KHSRP: variants seen among roughly 807,000 people sequenced by gnomAD.
KHSRP encodes far upstream element-binding protein 2.
KHSRP carries 13 observed loss-of-function variants against 94.9 expected under a neutral mutation model. The observed-to-expected ratio is 0.14, with a 90% CI of 0.09 to 0.22. The LOEUF (loss-of-function observed/expected upper bound fraction) is 0.22, where lower values mean the gene tolerates loss of function less well. Among genes scored for constraint, KHSRP ranks in the 10% least tolerant of loss-of-function variants. The pLI, the probability that KHSRP is intolerant of heterozygous loss-of-function variation, is 1.00. For synonymous variants in KHSRP, 495 were observed against 401.4 expected (o/e 1.23, Z -2.79); for missense variants, 710 against 1,010.0 (o/e 0.70, Z 4.03).
rs921324291 is a variant in KHSRP, at chr19:6,414,795, C to T, written c.*229G>A. 3.5e-5 allele frequency: 41 copies of T among 1,155,666 alleles called. No individual in the cohort carries two copies. The highest frequency in any genetic ancestry group is 9.6e-5 in the African/African-American group (6 of 62,370). 71.6% of individuals were successfully genotyped at this position (1,155,666 alleles called of 1,614,324 possible). ...AGATTGTGAGCGAGGTGGTGGCGGC[C>T]GGGCCGGTGCCCACCGTCCGCGCTG... is the stretch of plus-strand genomic sequence containing the variant. On this transcript the variant is annotated 3_prime_UTR_variant, in exon 19 of 19. Transcript: ENST00000600480.
Position 6,420,425 on chromosome 19 carries a change from G to A in KHSRP, c.472C>T (p.Leu158=), listed in dbSNP as rs1471376710. ...EYRVPDGMVG[L]IIGRGGEQIN... ...ACCCAAGGTGACCCACACTCACTCA[G>A]GCCCACCATGCCGTCTGGGACCCTG... is the stretch of plus-strand genomic sequence containing the variant. Residue 158 remains leucine (L), a synonymous_variant, in exon 5 of 19, where the codon CTG becomes TTG. Transcript: ENST00000600480. 6 of 1,613,792 alleles carry A rather than the reference G, an allele frequency of 3.7e-6. No homozygotes were observed. In the African/African-American group the frequency reaches 5.3e-5, roughly 14 times the overall value.
Position 6,421,331 on chromosome 19 carries a change from AC to A in KHSRP, c.386-15del. ...GAGAACTGATTGCTGTAGAGAGAAA[AC>A]CCAAAGCAAAGACTGGCTTAGCTCC... On this transcript the variant is annotated splice_polypyrimidine_tract_variant and intron_variant, in intron 3 of 18. Coordinates refer to ENST00000600480, the MANE Select transcript of KHSRP (RefSeq NM_001366299.1). The A allele has an allele frequency of 6.3e-7, 1 of 1,583,586 alleles. No homozygotes were observed. The highest frequency in any genetic ancestry group is 2.3e-5 in the East Asian group (1 of 43,236).
chr19:6,416,230 G>GAC, intron 15 of KHSRP, 68 bp downstream of exon 15: 1 of 1,282,030 alleles, frequency 7.8e-7, no homozygotes, highest in Non-Finnish European at 1.1e-6. Context: ...GGGAAATGGG[G>GAC]TCTGCTATTC....
Position 6,413,122 on chromosome 19 carries a change from CTTTA to C in KHSRP, c.*1898_*1901del, listed in dbSNP as rs1294388903. Among the ~76,000 whole-genome samples the C allele has an allele frequency of 2.1e-5, 2 of 93,130 alleles. No individual in the cohort carries two copies. The highest frequency in any genetic ancestry group is 4.5e-5 in the African/African-American group (1 of 22,318). The allele number at this position is 93,130 out of a possible 152,430, so 61.1% of individuals were successfully genotyped here. The stretch of plus-strand genomic sequence containing the variant: ...CGCAGTCTTTTTTAAACAAAAAGCA[CTTTA>C]TTTAACAAAAAAAAAAAAGGGGGGG... On this transcript the variant is annotated 3_prime_UTR_variant, in exon 19 of 19. Coordinates refer to ENST00000600480, the MANE Select transcript of KHSRP (RefSeq NM_001366299.1).
intron 18 of KHSRP, 37 bp downstream of exon 18, chr19:6,415,343 C>T (rs1477275644): frequency 6.2e-7 from 1 of 1,611,514 alleles, no homozygotes; most frequent in Non-Finnish European, 8.5e-7. Context: ...TGGGTGAGGG[C>T]TGCCCCTGCC....
In KHSRP at chr19:6,413,119, G is replaced by T; in HGVS notation, c.*1905C>A. Among the ~76,000 whole-genome samples the T allele has an allele frequency of 1.0e-5, 1 of 98,004 alleles. No homozygotes were observed. Among genetic ancestry groups the T allele is most frequent in the South Asian group, 4.1e-4 (1 of 2,414 alleles). 64.3% of individuals were successfully genotyped at this position (98,004 alleles called of 152,430 possible). On this transcript the variant is annotated 3_prime_UTR_variant, in exon 19 of 19. Transcript: ENST00000600480. ...GCACGCAGTCTTTTTTAAACAAAAA[G>T]CACTTTATTTAACAAAAAAAAAAAA...
At position 6,416,976 on chromosome 19, in the gene KHSRP, G is replaced by A; in HGVS notation, c.1182+11C>T. The A allele has an allele frequency of 6.2e-7, 1 of 1,613,686 alleles. No homozygotes were observed. The highest frequency in any genetic ancestry group is 8.5e-7 in the Non-Finnish European group (1 of 1,179,838). On this transcript the variant is annotated intron_variant, in intron 12 of 18. Coordinates refer to ENST00000600480, the MANE Select transcript of KHSRP (RefSeq NM_001366299.1). ...GCCCTGCCAGCCCCTTCAGCACCCGGGGCCACCTACCCTGAGGCTCTGGAG... is the reference window on the plus strand; with the variant it reads ...GCCCTGCCAGCCCCTTCAGCACCCGAGGCCACCTACCCTGAGGCTCTGGAG...
chr19:6,415,989 G>A (rs768354697), intron 15 of KHSRP, 93 bp from the exon 16 acceptor site: 14 of 817,342 alleles, frequency 1.7e-5, no homozygotes, highest in South Asian at 1.3e-4. Context: ...GTGGGGAGGC[G>A]CCAGAGACCC....
chr19:6,417,101 C>G lies in KHSRP; in HGVS notation c.1082-14G>C, dbSNP rs763012498. 2.5e-6 allele frequency: 4 copies of G among 1,593,174 alleles called. No homozygotes were observed. The South Asian group carries it at 3.3e-5, about 13-fold the overall frequency. ...CTGTCCCGTCATCTGAGGCCAGCACCGAGAGAGCAGAGACACAAGTTTAAA... is the reference window on the plus strand; with the variant it reads ...CTGTCCCGTCATCTGAGGCCAGCACGGAGAGAGCAGAGACACAAGTTTAAA... On this transcript the variant is annotated splice_polypyrimidine_tract_variant and intron_variant, in intron 11 of 18. Transcript: ENST00000600480.
intron 11 of KHSRP, among the ~76,000 whole-genome samples, chr19:6,417,288 A>T (rs1324909552): frequency 3.3e-5 from 5 of 152,224 alleles, no homozygotes; most frequent in Admixed American, 6.5e-5. Flanking sequence ...CCAAGCCAGG[A>T]GGTGGCTCAA....
intron 15 of KHSRP, 146 bp from the exon 16 acceptor site, chr19:6,416,042 A>C: frequency 1.5e-6 from 1 of 658,594 alleles, no homozygotes; most frequent in East Asian, 2.9e-5. Context: ...GGCCTAGACA[A>C]GAAGCAACTC....
Position 6,414,348 on chromosome 19 carries a change from GGAA to G in KHSRP, c.*673_*675del, listed in dbSNP as rs2092125139. 1.4e-6 allele frequency: 2 copies of G among 1,382,050 alleles called. No homozygotes were observed. Among genetic ancestry groups the G allele is most frequent in the Non-Finnish European group, 1.9e-6 (2 of 1,063,572 alleles). The allele number at this position is 1,382,050 out of a possible 1,614,324, so 85.6% of individuals were successfully genotyped here. A position where few individuals can be genotyped will look rare whatever the true frequency, so the allele number is the denominator to read the frequency against. ...CTGATGGAGAAGGAGGGACAGAGCA[GGAA>G]GAGAGGAGAGGGGCCGCGGAGGGCG... On this transcript the variant is annotated 3_prime_UTR_variant, in exon 19 of 19. Coordinates refer to ENST00000600480, the MANE Select transcript of KHSRP (RefSeq NM_001366299.1).
chr19:6,417,992 C>T lies in KHSRP; in HGVS notation c.967G>A (p.Gly323Arg), dbSNP rs745473524. 1.9e-6 allele frequency: 3 copies of T among 1,613,768 alleles called. No homozygotes were observed. The highest frequency in any genetic ancestry group is 1.7e-5 in the Admixed American group (1 of 59,990). The change falls in exon 10 of 19, where the codon GGA becomes AGA. Residue 323 changes from glycine to arginine, a missense_variant. Transcript: ENST00000600480. ...DRNEYGSRIG[G>R]GIDVPVPRHS... is the part of the protein sequence containing the mutation. ...GGGCCCACACTCACATCGATGCCTC[C>T]GCCAATCCGAGATCCGTACTCATTC...
chr19:6,423,683 C>A (rs1049826288), intron 1 of KHSRP, among the ~76,000 whole-genome samples: 1 of 152,214 alleles, frequency 6.6e-6, no homozygotes, highest in Non-Finnish European at 1.5e-5. Context: ...AGTCTCTAGC[C>A]CCGGAGGCAT....
chr19:6,415,490 TC>T, intron 17 of KHSRP, 33 bp from the exon 18 acceptor site: 1 of 1,549,238 alleles, frequency 6.5e-7, no homozygotes, highest in Middle Eastern at 1.7e-4. Context: ...CAGAAACCAC[TC>T]CCCCGGCAGG....
At chr19:6,420,981 AGAC>A (rs1425593633) in intron 4 of KHSRP, 1 of 449,640 alleles carries the variant, frequency 2.2e-6, no homozygotes, top group Non-Finnish European at 4.0e-6. Context: ...TCTTCCAGGA[AGAC>A]GACATTTGTG....
In KHSRP at chr19:6,416,485, C is replaced by A. The variant is rs772218529; in HGVS notation, c.1488+5G>T. On this transcript the variant is annotated splice_donor_5th_base_variant and intron_variant, in intron 14 of 18. Transcript: ENST00000600480. ...ACCAAATCCCCAGAGCCCGCCCCAACCCACCTCGATCTTTTCCTCGATAAG... is the reference window on the plus strand; with the variant it reads ...ACCAAATCCCCAGAGCCCGCCCCAAACCACCTCGATCTTTTCCTCGATAAG... 4.0e-5 allele frequency: 65 copies of A among 1,612,558 alleles called. No individual in the cohort carries two copies. Among genetic ancestry groups the A allele is most frequent in the Non-Finnish European group, 5.2e-5 (61 of 1,179,456 alleles).
Position 6,418,666 on chromosome 19 carries a change from C to A in KHSRP, c.780+36G>T. Reference sequence around the variant, plus strand: ...GGTGGTGGCGGTGGGGTGTGGCACACGGATGCAGAGGAAGCTGCCCAGGTG... The same window carrying A: ...GGTGGTGGCGGTGGGGTGTGGCACAAGGATGCAGAGGAAGCTGCCCAGGTG... On this transcript the variant is annotated intron_variant, in intron 8 of 18. Coordinates refer to ENST00000600480, the MANE Select transcript of KHSRP (RefSeq NM_001366299.1). This position sits in a 1 kb window ranked among gnomAD's most constrained non-coding sequence, Gnocchi z 4.3. The A allele has an allele frequency of 1.9e-6, 3 of 1,613,564 alleles. No homozygotes were observed. The highest frequency in any genetic ancestry group is 2.5e-6 in the Non-Finnish European group (3 of 1,179,610).
Position 6,414,381 on chromosome 19 carries a change from C to A in KHSRP, c.*643G>T, listed in dbSNP as rs892576013. 13 of 1,329,350 alleles carry A rather than the reference C, an allele frequency of 9.8e-6. No homozygotes were observed. The highest frequency in any genetic ancestry group is 6.6e-5 in the South Asian group (3 of 45,166). The allele number at this position is 1,329,350 out of a possible 1,614,324, so 82.3% of individuals were successfully genotyped here. ...GGAGAGGGGCCGCGGAGGGCGGAGG[C>A]GCTAGGGTCGTAGGGGAGCTGCCCT... On this transcript the variant is annotated 3_prime_UTR_variant, in exon 19 of 19. Transcript: ENST00000600480.
Sources: gnomAD v4.1 joint callset for allele counts (sites outside exome capture counted in the v4.1 genomes callset) on GRCh38, gnomAD v4.1.1 for gene constraint, Gnocchi (gnomAD v3.1) non-coding constraint, MANE v1.5 for transcripts, NCBI Gene and HGNC (gene_info 2026-07-23, HGNC 2026-07-21) for gene names.